The following ZFPM2 variants were observed in gnomAD, a reference collection of about 807,000 sequenced individuals.
ZFPM2 encodes zinc finger protein ZFPM2.
Under a neutral mutation model 98.6 loss-of-function variants are expected in ZFPM2, and 20 were observed. That is an observed-to-expected ratio of 0.20 (90% CI 0.14 to 0.29). ZFPM2 has a LOEUF of 0.29. Among genes scored for constraint, ZFPM2 ranks in the 10% least tolerant of loss-of-function variants. The pLI is 1.00. For missense variants in ZFPM2, 1,310 were observed against 1,388.6 expected, an observed-to-expected ratio of 0.94 and a Z score of 0.90; for synonymous variants, 518 against 502.7, an observed-to-expected ratio of 1.03 and a Z score of -0.41.
intron 5 of ZFPM2, among the ~76,000 whole-genome samples, chr8:105,715,749 C>T (rs145833705): frequency 1.2e-3 from 175 of 152,046 alleles, no homozygotes; most frequent in African/African-American, 4.0e-3. Flanking sequence ...CTGGTGTTTT[C>T]ATATTTTATA....
At chr8:105,587,990 C>A (rs188839731) in intron 4 of ZFPM2, among the ~76,000 whole-genome samples, 1 of 152,110 alleles carries the variant, frequency 6.6e-6, no homozygotes, top group Non-Finnish European at 1.5e-5. Flanking sequence ...TATGAAAACA[C>A]GAGCCCACCA....
At chr8:105,634,151 G>C in intron 4 of ZFPM2, 95 bp from the exon 5 acceptor site, 1 of 910,088 alleles carries the variant, frequency 1.1e-6, no homozygotes, top group Non-Finnish European at 1.7e-6. Flanking sequence ...GGGAGATTTA[G>C]TTGTTTGTAA....
At chr8:105,444,757 T>G (rs1812333802) in intron 3 of ZFPM2, among the ~76,000 whole-genome samples, 1 of 152,202 alleles carries the variant, frequency 6.6e-6, no homozygotes, top group African/African-American at 2.4e-5. Context: ...TAGTCATGTT[T>G]TAAATCATAG....
At chr8:105,529,563 C>T (rs1024387345) in intron 3 of ZFPM2, among the ~76,000 whole-genome samples, 5 of 148,286 alleles carry the variant, frequency 3.4e-5, no homozygotes, top group African/African-American at 1.3e-4. Flanking sequence ...GCTCTTCTAA[C>T]AACACAACTC....
At chr8:105,651,949 T>G (rs1374513038) in intron 5 of ZFPM2, among the ~76,000 whole-genome samples, 1 of 152,186 alleles carries the variant, frequency 6.6e-6, no homozygotes, top group Admixed American at 6.5e-5. Context: ...AGAATCTAGA[T>G]GAAGAGGATT....
At chr8:105,712,542 CA>C (rs780898896) in intron 5 of ZFPM2, among the ~76,000 whole-genome samples, 6 of 151,804 alleles carry the variant, frequency 4.0e-5, no homozygotes, top group Non-Finnish European at 8.8e-5. Flanking sequence ...GACTACAAGC[CA>C]TTTTTTTTGT....
At chr8:105,359,620 C>A (rs373625245) in intron 1 of ZFPM2, among the ~76,000 whole-genome samples, 3 of 152,046 alleles carry the variant, frequency 2.0e-5, no homozygotes, top group Non-Finnish European at 4.4e-5. Context: ...ATGATCCACC[C>A]GCCTCAGCCT....
At chr8:105,569,775 A>G (rs917522724) in intron 4 of ZFPM2, among the ~76,000 whole-genome samples, 3 of 152,124 alleles carry the variant, frequency 2.0e-5, no homozygotes, top group African/African-American at 7.2e-5. Flanking sequence ...CTTTCTGTGA[A>G]GTCTCATCCA....
intron 1 of ZFPM2, among the ~76,000 whole-genome samples, chr8:105,417,220 A>G (rs1811695987): frequency 6.6e-6 from 1 of 151,966 alleles, no homozygotes; most frequent in Admixed American, 6.6e-5. Context: ...ATTCTAGTTA[A>G]CTAACCTCGT....
At chr8:105,579,072 G>T (rs1218488464) in intron 4 of ZFPM2, among the ~76,000 whole-genome samples, 1 of 151,880 alleles carries the variant, frequency 6.6e-6, no homozygotes, top group African/African-American at 2.4e-5. Context: ...GAATACTAAA[G>T]AAAAAATTGT....
intron 4 of ZFPM2, among the ~76,000 whole-genome samples, chr8:105,603,559 A>G (rs190204024): frequency 1.4e-3 from 214 of 152,230 alleles, no homozygotes; most frequent in African/African-American, 4.9e-3. Flanking sequence ...GATTAGCCTT[A>G]TCAGTATTCA....
chr8:105,630,723 T>C (rs1442151209), intron 4 of ZFPM2, among the ~76,000 whole-genome samples: 8 of 152,178 alleles, frequency 5.3e-5, no homozygotes, highest in Non-Finnish European at 1.2e-4. Flanking sequence ...AATTTGCTTA[T>C]GTAGAAAATG....
At chr8:105,626,830 T>C (rs1219699324) in intron 4 of ZFPM2, among the ~76,000 whole-genome samples, 1 of 152,170 alleles carries the variant, frequency 6.6e-6, no homozygotes, top group Admixed American at 6.5e-5. Flanking sequence ...TTCAACAACA[T>C]GAAACTATAT....
chr8:105,612,917 A>G (rs1481152375), intron 4 of ZFPM2, among the ~76,000 whole-genome samples: 1 of 152,186 alleles, frequency 6.6e-6, no homozygotes, highest in Non-Finnish European at 1.5e-5. Flanking sequence ...CCTGGCTTCT[A>G]ATTCGTGGGG....
chr8:105,377,632 A>G (rs1394581307), intron 1 of ZFPM2, among the ~76,000 whole-genome samples: 2 of 148,860 alleles, frequency 1.3e-5, no homozygotes, highest in African/African-American at 4.9e-5. Flanking sequence ...AAAAAAAAAA[A>G]AGCCAGATGT....
intron 3 of ZFPM2, among the ~76,000 whole-genome samples, chr8:105,456,804 C>T (rs1340853738): frequency 1.3e-5 from 2 of 152,050 alleles, no homozygotes; most frequent in Admixed American, 6.6e-5. Context: ...TCCTGAATGG[C>T]GGGGACTACA....
rs1458547989 is a variant in ZFPM2 at position 105,419,218 on chromosome 8, G to T, written c.115G>T (p.Asp39Tyr). ...GGAAACAGACATCATCTCCAAAGGAGACTTTCCATTGGAGGAAAGCTTTTC... is the reference window on the plus strand; with the variant it reads ...GGAAACAGACATCATCTCCAAAGGATACTTTCCATTGGAGGAAAGCTTTTC... ...SEETDIISKG[D>Y]FPLEESFSTE... Residue 39 changes from aspartate to tyrosine, a missense_variant, in exon 2 of 8, where the codon GAC becomes TAC. Transcript: ENST00000407775. 1.9e-6 allele frequency: 3 copies of T among 1,613,302 alleles called. No homozygotes were observed. Among genetic ancestry groups the T allele is most frequent in the Non-Finnish European group, 2.5e-6 (3 of 1,179,446 alleles).
chr8:105,431,967 G>A (rs1406063757), intron 2 of ZFPM2, among the ~76,000 whole-genome samples: 2 of 151,590 alleles, frequency 1.3e-5, no homozygotes, highest in Non-Finnish European at 1.5e-5. Flanking sequence ...GTAGAAGTTG[G>A]CGAGGCATTA....
intron 4 of ZFPM2, among the ~76,000 whole-genome samples, chr8:105,580,386 T>G (rs1815563586): frequency 1.3e-5 from 2 of 152,176 alleles, no homozygotes; most frequent in Admixed American, 6.5e-5. Flanking sequence ...ACAATATTAA[T>G]TTTTATTTGC....
Sources: allele counts gnomAD v4.1 joint callset (sites outside exome capture counted in the v4.1 genomes callset), GRCh38; gene constraint gnomAD v4.1.1; transcripts MANE v1.5; gene names NCBI Gene and HGNC (gene_info 2026-07-23, HGNC 2026-07-21).